The following SAMD13 variants were observed in gnomAD, a reference collection of about 807,000 sequenced individuals.
SAMD13 encodes the protein sterile alpha motif domain containing 13.
Under a neutral mutation model 12.4 loss-of-function variants are expected in SAMD13, and 9 were observed. The ratio of observed to expected loss-of-function variants is 0.72; its 90% CI spans 0.44 to 1.26. SAMD13 has a LOEUF of 1.26. Among genes scored for constraint, SAMD13 ranks in the 50% most tolerant of loss-of-function variants. The pLI is 0.00. For missense variants in SAMD13, 84 were observed against 119.6 expected (o/e 0.70, Z 1.39); for synonymous variants, 46 against 45.4 (o/e 1.01, Z -0.05).
At chr1:84,330,562 A>T in intron 3 of SAMD13, among the ~76,000 whole-genome samples, 1 of 152,202 alleles carries the variant, frequency 6.6e-6, no homozygotes, top group East Asian at 1.9e-4. Context: ...AGGCTAAATG[A>T]GCAGCATTCT....
chr1:84,338,842 G>A (rs1485230874), intron 3 of SAMD13, among the ~76,000 whole-genome samples: 3 of 152,006 alleles, frequency 2.0e-5, no homozygotes, highest in Middle Eastern at 3.2e-3. Flanking sequence ...CTCCCACTGG[G>A]CCCCTCCCAC....
At chr1:84,309,759 G>A (rs113975307) in intron 2 of SAMD13, among the ~76,000 whole-genome samples, 138 of 152,208 alleles carry the variant, frequency 9.1e-4, no homozygotes, top group Middle Eastern at 3.4e-3. Context: ...CAAAACATGA[G>A]CAAACATTTC....
At chr1:84,339,565 G>A (rs1322135172) in intron 3 of SAMD13, among the ~76,000 whole-genome samples, 2 of 152,164 alleles carry the variant, frequency 1.3e-5, no homozygotes. Flanking sequence ...TGGAGGGGTC[G>A]AGGTATTCCC....
At chr1:84,302,728 T>G in intron 1 of SAMD13, 1 of 977,706 alleles carries the variant, frequency 1.0e-6, no homozygotes, top group Non-Finnish European at 1.2e-6. Flanking sequence ...TTAAGTGTCC[T>G]TCTGCATTGC....
chr1:84,331,516 C>T (rs1319170137), intron 3 of SAMD13, among the ~76,000 whole-genome samples: 1 of 151,896 alleles, frequency 6.6e-6, no homozygotes, highest in Non-Finnish European at 1.5e-5. Context: ...ATTTGAGGTG[C>T]TTTGATGCCT....
chr1:84,350,612 T>C lies in SAMD13; in HGVS notation c.*838T>C, dbSNP rs1679629887. 6.6e-6 allele frequency: 1 copy of C among 152,516 alleles called. No individual in the cohort carries two copies. Among genetic ancestry groups the C allele is most frequent in the Admixed American group, 6.6e-5 (1 of 15,264 alleles). The allele number at this position is 152,516 out of a possible 1,614,324, so 9.4% of individuals were successfully genotyped here. A position where few individuals can be genotyped will look rare whatever the true frequency, so the allele number is the denominator to read the frequency against. On this transcript the variant is annotated 3_prime_UTR_variant, in exon 4 of 4. Transcript: ENST00000394834. ...GAATATTTTTATATATATTCCTTCA[T>C]GATGGTGTAATTTTTTTTAATTGTC... is the stretch of plus-strand genomic sequence containing the variant.
At chr1:84,308,743 G>C (rs540148324) in intron 2 of SAMD13, among the ~76,000 whole-genome samples, 34 of 152,126 alleles carry the variant, frequency 2.2e-4, no homozygotes, top group Non-Finnish European at 4.6e-4. Context: ...AAGCATACGG[G>C]ATTTTTGTAC....
intron 3 of SAMD13, among the ~76,000 whole-genome samples, chr1:84,345,458 A>G (rs1229222659): frequency 6.6e-6 from 1 of 152,172 alleles, no homozygotes; most frequent in Non-Finnish European, 1.5e-5. Context: ...GTAAGAACCT[A>G]GTAAGTAGCA....
intron 2 of SAMD13, among the ~76,000 whole-genome samples, chr1:84,315,497 G>T (rs1305949210): frequency 6.6e-6 from 1 of 152,052 alleles, no homozygotes; most frequent in Non-Finnish European, 1.5e-5. Flanking sequence ...TCCCTATGTT[G>T]CCTAGGCTGG....
chr1:84,323,380 G>A (rs575965311), intron 2 of SAMD13, among the ~76,000 whole-genome samples: 3 of 152,062 alleles, frequency 2.0e-5, no homozygotes, highest in South Asian at 2.1e-4. Context: ...TTTTCTTCTC[G>A]ATGTATATTG....
intron 2 of SAMD13, among the ~76,000 whole-genome samples, chr1:84,313,176 A>G (rs1678752148): frequency 6.6e-6 from 1 of 152,186 alleles, no homozygotes; most frequent in African/African-American, 2.4e-5. Context: ...ATATACATAT[A>G]TTCACATGCA....
upstream of SAMD13, among the ~76,000 whole-genome samples, chr1:84,299,124 C>A (rs557761813): frequency 2.1e-3 from 314 of 152,070 alleles, 5 homozygotes; most frequent in Non-Finnish European, 2.9e-3. Flanking sequence ...TCGGTGAGGT[C>A]GGCCCTGCCC....
At chr1:84,305,824 G>A (rs1333552873) in intron 2 of SAMD13, among the ~76,000 whole-genome samples, 1 of 152,048 alleles carries the variant, frequency 6.6e-6, no homozygotes, top group Admixed American at 6.6e-5. Context: ...GCTTATTTCT[G>A]GGCTCTCTAT....
chr1:84,350,696 G>C lies in SAMD13; in HGVS notation c.*922G>C, dbSNP rs571858620. The C allele has an allele frequency of 6.6e-6, 1 of 152,386 alleles. No homozygotes were observed. Among genetic ancestry groups the C allele is most frequent in the Non-Finnish European group, 1.5e-5 (1 of 67,998 alleles). The allele number at this position is 152,386 out of a possible 1,614,324, so 9.4% of individuals were successfully genotyped here. A position where few individuals can be genotyped will look rare whatever the true frequency, so the allele number is the denominator to read the frequency against. ...GTTTTTAAGAGCTTGGAAAAAGTGGGCTTGCTACATCTCTGTTCAAAGAGA... is the reference window on the plus strand; with the variant it reads ...GTTTTTAAGAGCTTGGAAAAAGTGGCCTTGCTACATCTCTGTTCAAAGAGA... On this transcript the variant is annotated 3_prime_UTR_variant, in exon 4 of 4. Transcript: ENST00000394834.
chr1:84,302,541 TACACACACACACAC>T lies in SAMD13; in HGVS notation c.-32-639_-32-626del, dbSNP rs58540263. 5.7e-3 allele frequency: 1,170 copies of T among 204,984 alleles called. 3 individuals are homozygous for T. Among genetic ancestry groups the T allele is most frequent in the Middle Eastern group, 0.023 (9 of 392 alleles). The allele number at this position is 204,984 out of a possible 1,614,324, so 12.7% of individuals were successfully genotyped here. Reference sequence around the variant, plus strand: ...TGAGTTACCTACTCTTTCTTACACATACACACACACACACACACACACACACACACACACACCAG... The same window carrying T: ...TGAGTTACCTACTCTTTCTTACACATACACACACACACACACACACACCAG... On this transcript the variant is annotated intron_variant, in intron 1 of 3. Transcript: ENST00000394834.
At chr1:84,345,994 A>C (rs1189118961) in intron 3 of SAMD13, among the ~76,000 whole-genome samples, 1 of 152,170 alleles carries the variant, frequency 6.6e-6, no homozygotes, top group Non-Finnish European at 1.5e-5. Context: ...ATGTACCACC[A>C]TACTCAGCTT....
intron 2 of SAMD13, among the ~76,000 whole-genome samples, chr1:84,312,837 T>C (rs1299777551): frequency 6.6e-6 from 1 of 152,200 alleles, no homozygotes; most frequent in African/African-American, 2.4e-5. Flanking sequence ...GGACACATGG[T>C]ACTAGCTGCT....
chr1:84,344,826 C>G, intron 3 of SAMD13: 1 of 443,796 alleles, frequency 2.3e-6, no homozygotes, highest in Non-Finnish European at 4.5e-6. Flanking sequence ...AAACAAGTAG[C>G]AAGAGGCCTA....
chr1:84,349,789 G>T lies in SAMD13; in HGVS notation c.*15G>T. 6 of 1,587,074 alleles carry T rather than the reference G, an allele frequency of 3.8e-6. No homozygotes were observed. The highest frequency in any genetic ancestry group is 5.1e-6 in the Non-Finnish European group (6 of 1,167,090). On this transcript the variant is annotated 3_prime_UTR_variant, in exon 4 of 4. Transcript: ENST00000394834. ...ACTCTTCATAGTACAGTCAAATTGG[G>T]GTCTTCGACCTCAAAAAATACATAA...
Sources: gnomAD v4.1 joint callset for allele counts (sites outside exome capture counted in the v4.1 genomes callset) on GRCh38, gnomAD v4.1.1 for gene constraint, MANE v1.5 for transcripts, NCBI Gene and HGNC (gene_info 2026-07-23, HGNC 2026-07-21) for gene names.